Variants in CACNA2D1 observed in about 807,000 individuals in gnomAD.
CACNA2D1 encodes voltage-dependent calcium channel subunit alpha-2/delta-1.
Under a neutral mutation model 171.5 loss-of-function variants are expected in CACNA2D1, and 53 were observed. The observed-to-expected ratio is 0.31, with a 90% CI of 0.25 to 0.39. The LOEUF (loss-of-function observed/expected upper bound fraction) is 0.39, where lower values mean the gene tolerates loss of function less well. CACNA2D1 is among the 10% of genes least tolerant of loss of function. The probability of loss-of-function intolerance (pLI) is 1.00; values close to 1 mark genes in which losing one functional copy is unlikely to be tolerated. For synonymous variants in CACNA2D1, 442 were observed against 443.1 expected (o/e 1.00, Z 0.03); for missense variants, 903 against 1,299.8 (o/e 0.69, Z 4.69).
intron 1 of CACNA2D1, among the ~76,000 whole-genome samples, chr7:82,395,761 A>G (rs1026651928): frequency 1.3e-5 from 2 of 152,188 alleles, no homozygotes; most frequent in African/African-American, 2.4e-5. Flanking sequence ...TTAGTATTAT[A>G]GTAAGTATGT....
chr7:81,970,018 T>A, intron 27 of CACNA2D1, 34 bp from the exon 28 acceptor site: 2 of 1,218,298 alleles, frequency 1.6e-6, no homozygotes, highest in South Asian at 1.2e-5. Context: ...TTGTATTCTT[T>A]AATCTACCTG....
At chr7:82,246,671 A>G (rs1804961664) in intron 3 of CACNA2D1, among the ~76,000 whole-genome samples, 1 of 152,144 alleles carries the variant, frequency 6.6e-6, no homozygotes, top group Non-Finnish European at 1.5e-5. Context: ...TACCTATAGA[A>G]GTTCACCCAA....
At chr7:82,146,950 T>C (rs1378204573) in intron 4 of CACNA2D1, among the ~76,000 whole-genome samples, 1 of 115,112 alleles carries the variant, frequency 8.7e-6, no homozygotes, top group Non-Finnish European at 1.6e-5. Context: ...GCACCACTGC[T>C]CTCCAGCCTG....
At chr7:82,258,817 C>CTTTTTTT (rs201927487) in intron 3 of CACNA2D1, among the ~76,000 whole-genome samples, 9,663 of 71,780 alleles carry the variant, frequency 0.13, 2,133 homozygotes, top group Non-Finnish European at 0.18. Flanking sequence ...TCTTACTTTT[C>CTTTTTTT]TTTTTTTTTT....
chr7:82,276,590 T>G (rs775922706), intron 3 of CACNA2D1, among the ~76,000 whole-genome samples: 4 of 152,184 alleles, frequency 2.6e-5, no homozygotes, highest in Non-Finnish European at 4.4e-5. Context: ...AGTTCTTAAT[T>G]CTGTGAATTA....
rs1167249718 is a variant in CACNA2D1 at position 82,431,321 on chromosome 7, C to T, written c.95+12044G>A. On this transcript the variant is annotated intron_variant, in intron 1 of 38. Coordinates refer to ENST00000356860, the MANE Select transcript of CACNA2D1 (RefSeq NM_000722.4). ...TGATCTCTTAAAGGCAGAAAAACCA[C>T]ATAAGGCACACATAATGAAGCCTGG... Among the ~76,000 whole-genome samples the T allele has an allele frequency of 2.6e-5, 4 of 152,276 alleles. No individual in the cohort carries two copies. The South Asian group carries it at 6.2e-4, about 24-fold the overall frequency.
At chr7:82,134,666 C>A (rs1181667523) in intron 5 of CACNA2D1, among the ~76,000 whole-genome samples, 1 of 152,036 alleles carries the variant, frequency 6.6e-6, no homozygotes, top group African/African-American at 2.4e-5. Context: ...AAATATATAA[C>A]CCACAGTAGT....
chr7:82,274,447 T>A (rs751484256), intron 3 of CACNA2D1, among the ~76,000 whole-genome samples: 1 of 152,208 alleles, frequency 6.6e-6, no homozygotes, highest in Non-Finnish European at 1.5e-5. Flanking sequence ...TAGCAAAAAT[T>A]CATGAAACGT....
chr7:82,418,707 T>C (rs1828422053), intron 1 of CACNA2D1, among the ~76,000 whole-genome samples: 1 of 152,100 alleles, frequency 6.6e-6, no homozygotes, highest in African/African-American at 2.4e-5. Flanking sequence ...ACAAGCATTA[T>C]CCATTTACAG....
At chr7:82,267,766 G>A (rs193211113) in intron 3 of CACNA2D1, among the ~76,000 whole-genome samples, 1 of 152,278 alleles carries the variant, frequency 6.6e-6, no homozygotes, top group African/African-American at 2.4e-5. Context: ...AGGCCGAGGT[G>A]GGCGGATCAC....
intron 3 of CACNA2D1, among the ~76,000 whole-genome samples, chr7:82,236,144 A>T (rs555966391): frequency 6.6e-6 from 1 of 152,250 alleles, no homozygotes; most frequent in Admixed American, 6.5e-5. Flanking sequence ...TTGAAAAGAA[A>T]AAGCAACCAC....
At chr7:82,126,178 C>T (rs1337002456) in intron 5 of CACNA2D1, among the ~76,000 whole-genome samples, 5 of 152,114 alleles carry the variant, frequency 3.3e-5, no homozygotes, top group African/African-American at 9.7e-5. Context: ...GCCAATATCA[C>T]CCAGAAATGG....
intron 11 of CACNA2D1, among the ~76,000 whole-genome samples, chr7:82,035,436 G>C (rs549836587): frequency 5.9e-5 from 9 of 151,912 alleles, no homozygotes; most frequent in African/African-American, 2.2e-4. Flanking sequence ...TTAACATAAA[G>C]AATTTCAATA....
At chr7:82,312,994 C>T (rs10954673) in intron 3 of CACNA2D1, among the ~76,000 whole-genome samples, 26,926 of 152,076 alleles carry the variant, frequency 0.18, 2,429 homozygotes, top group South Asian at 0.28. Context: ...ATTAACGATC[C>T]ATTTAAGTGC....
chr7:82,348,107 A>T (rs865998164), intron 2 of CACNA2D1, among the ~76,000 whole-genome samples: 3 of 152,310 alleles, frequency 2.0e-5, no homozygotes, highest in Middle Eastern at 3.4e-3. Flanking sequence ...CGATAAAGAC[A>T]GTCATATAAC....
intron 18 of CACNA2D1, among the ~76,000 whole-genome samples, chr7:81,999,221 A>C (rs2130813728): frequency 6.6e-6 from 1 of 152,222 alleles, no homozygotes; most frequent in South Asian, 2.1e-4. Context: ...TAAAAGAAAA[A>C]TCTCAATGCA....
intron 11 of CACNA2D1, among the ~76,000 whole-genome samples, chr7:82,036,972 C>T (rs1803353543): frequency 6.6e-6 from 1 of 152,170 alleles, no homozygotes; most frequent in African/African-American, 2.4e-5. Flanking sequence ...CGTGGACAAT[C>T]TTATGCACAA....
At chr7:82,052,872 A>T (rs1449600114) in intron 10 of CACNA2D1, among the ~76,000 whole-genome samples, 1 of 152,178 alleles carries the variant, frequency 6.6e-6, no homozygotes, top group East Asian at 1.9e-4. Flanking sequence ...CTTATCCGCA[A>T]TATTAAGAAT....
chr7:82,409,843 T>C (rs780781945), intron 1 of CACNA2D1, among the ~76,000 whole-genome samples: 3 of 152,184 alleles, frequency 2.0e-5, no homozygotes, highest in South Asian at 2.1e-4. Context: ...GCAAATATCA[T>C]AGAGTGTACT....
Sources: allele counts gnomAD v4.1 joint callset (sites outside exome capture counted in the v4.1 genomes callset), GRCh38; gene constraint gnomAD v4.1.1; transcripts MANE v1.5; gene names NCBI Gene and HGNC (gene_info 2026-07-23, HGNC 2026-07-21).